Variants in MACF1 observed in about 807,000 individuals in gnomAD.
MACF1 encodes the protein microtubule actin crosslinking factor 1, also known as microtubule-actin cross-linking factor 1.
A neutral mutation model predicts 854.8 loss-of-function variants in MACF1; 193 were observed. That is an observed-to-expected ratio of 0.23 (90% CI 0.20 to 0.25). The LOEUF is 0.25. Ranked by LOEUF, MACF1 falls within the 10% of genes least tolerant of loss-of-function variation. MACF1 has a pLI of 1.00. For missense variants in MACF1, 7,722 were observed against 8,929.1 expected (o/e 0.86, Z 5.45); for synonymous variants, 3,185 against 3,226.7 (o/e 0.99, Z 0.44).
At chr1:39,231,437 A>C (rs999379096) in intron 2 of MACF1, among the ~76,000 whole-genome samples, 194 bp downstream of exon 2, 2 of 152,114 alleles carry the variant, frequency 1.3e-5, no homozygotes, top group African/African-American at 4.8e-5. Context: ...GGCTGTTCTC[A>C]AACTCCTGGG....
chr1:39,097,235 T>A (rs879448314), intron 2 of MACF1, among the ~76,000 whole-genome samples: 3 of 152,128 alleles, frequency 2.0e-5, no homozygotes, highest in African/African-American at 2.4e-5. Flanking sequence ...GTGTCCCTCC[T>A]AGCGTTGCTT....
chr1:39,357,187 T>G (rs995900604), intron 44 of MACF1, among the ~76,000 whole-genome samples, 188 bp from the exon 45 acceptor site: 5 of 152,200 alleles, frequency 3.3e-5, no homozygotes, highest in African/African-American at 1.2e-4. Context: ...AAAATGAAGT[T>G]AACAGGGAAA....
intron 40 of MACF1, among the ~76,000 whole-genome samples, chr1:39,346,434 T>G (rs1026804797): frequency 6.6e-6 from 1 of 152,172 alleles, no homozygotes; most frequent in African/African-American, 2.4e-5. Flanking sequence ...TTGAGCTGCT[T>G]ACTGTATTTG....
At chr1:39,412,729 C>A in intron 58 of MACF1, 1 of 1,613,832 alleles carries the variant, frequency 6.2e-7, no homozygotes, top group Non-Finnish European at 8.5e-7. Flanking sequence ...TAATACTGAA[C>A]CAGTTTTAGA....
intron 2 of MACF1, among the ~76,000 whole-genome samples, chr1:39,242,918 G>A (rs965830083): frequency 6.6e-6 from 1 of 152,090 alleles, no homozygotes; most frequent in African/African-American, 2.4e-5. Context: ...TCATTTACAA[G>A]TTTTTGTCTG....
At chr1:39,228,430 A>G (rs1205846173) in intron 1 of MACF1, among the ~76,000 whole-genome samples, 1 of 152,212 alleles carries the variant, frequency 6.6e-6, no homozygotes, top group Non-Finnish European at 1.5e-5. Context: ...ATGAGCAAAG[A>G]GTCAGTGATT....
chr1:39,113,224 TC>T (rs1642457208), intron 2 of MACF1, among the ~76,000 whole-genome samples: 1 of 152,128 alleles, frequency 6.6e-6, no homozygotes, highest in African/African-American at 2.4e-5. Flanking sequence ...AATACCACTT[TC>T]CCCATCATAG....
chr1:39,168,568 A>G (rs180885166), intron 2 of MACF1, among the ~76,000 whole-genome samples: 19 of 152,062 alleles, frequency 1.2e-4, no homozygotes, highest in Admixed American at 7.9e-4. Flanking sequence ...GGCTCAAACT[A>G]TCTTCCCGCC....
chr1:39,274,377 A>T (rs1299667992), intron 6 of MACF1, among the ~76,000 whole-genome samples: 3 of 152,186 alleles, frequency 2.0e-5, no homozygotes, highest in Non-Finnish European at 4.4e-5. Flanking sequence ...GCGTCTGGGG[A>T]TTCAACCCAT....
intron 6 of MACF1, among the ~76,000 whole-genome samples, chr1:39,278,226 C>T (rs897471093): frequency 3.3e-5 from 5 of 152,174 alleles, no homozygotes; most frequent in South Asian, 2.1e-4. Flanking sequence ...CAGTACTGTG[C>T]ACACATATCA....
Position 39,387,809 on chromosome 1 carries a change from G to C in MACF1, c.14967G>C (p.Gln4989His). ...GGGATGAGAAGGCTGGGATCAACCA[G>C]AACATGGATGCTGTTACAGAAGAGC... ...GIRDEKAGIN[Q>H]NMDAVTEELQ... The change falls in exon 58 of 101, where the codon CAG becomes CAC. Residue 4989 changes from glutamine to histidine, a missense_variant. Gln to His is a conservative substitution (Grantham distance 24). This residue lies in a region of MACF1 where 2,807 missense variants were observed against 3,235.8 expected (regional missense o/e 0.87). Coordinates refer to ENST00000564288, the MANE Select transcript of MACF1 (RefSeq NM_001394062.1). The C allele has an allele frequency of 6.2e-7, 1 of 1,614,152 alleles. No individual in the cohort carries two copies. Among genetic ancestry groups the C allele is most frequent in the Middle Eastern group, 1.6e-4 (1 of 6,062 alleles).
chr1:39,311,287 A>C (rs1646294976), intron 26 of MACF1, among the ~76,000 whole-genome samples: 1 of 152,234 alleles, frequency 6.6e-6, no homozygotes, highest in Non-Finnish European at 1.5e-5. Flanking sequence ...ACTGCTTAGT[A>C]GAGATGCTAC....
rs927206974 is a variant in MACF1 at position 39,378,401 on chromosome 1, C to A, written c.13214-60C>A. 5 of 1,230,244 alleles carry A rather than the reference C, an allele frequency of 4.1e-6. No individual in the cohort carries two copies. The African/African-American group carries it at 7.4e-5, about 18-fold the overall frequency. The allele number at this position is 1,230,244 out of a possible 1,614,324, so 76.2% of individuals were successfully genotyped here. A position where few individuals can be genotyped will look rare whatever the true frequency, so the allele number is the denominator to read the frequency against. ...TGAGGGCCAAAGGACAAATTCAGTG[C>A]CTATATGTATTCCTAACACGTTGGT... On this transcript the variant is annotated intron_variant, in intron 52 of 100. Transcript: ENST00000564288.
intron 2 of MACF1, among the ~76,000 whole-genome samples, chr1:39,249,207 T>C (rs1249935835): frequency 6.6e-6 from 1 of 152,210 alleles, no homozygotes; most frequent in East Asian, 1.9e-4. Flanking sequence ...GGTAATTGTT[T>C]GGATTAAATA....
chr1:39,477,613 G>A (rs1010378729), intron 97 of MACF1, among the ~76,000 whole-genome samples: 7 of 152,026 alleles, frequency 4.6e-5, no homozygotes, highest in Non-Finnish European at 8.8e-5. Flanking sequence ...GGAAGCGTGA[G>A]TGGTCTGAGG....
At chr1:39,273,597 GTTTCTT>G (rs1645372278) in intron 6 of MACF1, among the ~76,000 whole-genome samples, 1 of 151,562 alleles carries the variant, frequency 6.6e-6, no homozygotes, top group Non-Finnish European at 1.5e-5. Flanking sequence ...AAAGGATTTT[GTTTCTT>G]TTTCTTTTTT....
In MACF1 at chr1:39,293,576, G is replaced by T; in HGVS notation, c.2111G>T (p.Ser704Ile). ...KEEEELAYDW[S>I]DNNSNISAKR... Reference sequence around the variant, plus strand: ...GAGGAGGAACTAGCATATGACTGGAGTGACAACAATTCCAATATCTCAGCC... The same window carrying T: ...GAGGAGGAACTAGCATATGACTGGATTGACAACAATTCCAATATCTCAGCC... Residue 704 changes from serine to isoleucine, a missense_variant, in exon 18 of 101, where the codon AGT (serine) becomes ATT (isoleucine). Physicochemically the swap from Ser to Ile is moderately radical, Grantham distance 142. This residue lies in a region of MACF1 where 1,137 missense variants were observed against 1,263.0 expected (regional missense o/e 0.90). Transcript: ENST00000564288. 1 of 1,613,826 alleles carries T rather than the reference G, an allele frequency of 6.2e-7. No homozygotes were observed. The highest frequency in any genetic ancestry group is 8.5e-7 in the Non-Finnish European group (1 of 1,179,826).
chr1:39,205,525 C>G (rs1166310207), intron 1 of MACF1, among the ~76,000 whole-genome samples: 1 of 151,974 alleles, frequency 6.6e-6, no homozygotes, highest in East Asian at 1.9e-4. Context: ...ACTCTTTTAC[C>G]CTCCTCCAGG....
intron 58 of MACF1, chr1:39,410,101 G>T (rs1642919506): frequency 3.8e-6 from 2 of 523,310 alleles, no homozygotes; most frequent in Non-Finnish European, 6.7e-6. Context: ...GCTTCTCCCA[G>T]AATGGTTTCA....
Sources: gnomAD v4.1 joint callset for allele counts (sites outside exome capture counted in the v4.1 genomes callset) on GRCh38, gnomAD v4.1.1 for gene constraint, gnomAD v4.1.1 regional missense constraint, MANE v1.5 for transcripts, NCBI Gene and HGNC (gene_info 2026-07-23, HGNC 2026-07-21) for gene names.